The following TSTD2 variants were observed in gnomAD, a reference collection of about 807,000 sequenced individuals.
The protein encoded by TSTD2 is thiosulfate sulfurtransferase like domain containing 2.
A neutral mutation model predicts 47.9 loss-of-function variants in TSTD2; 37 were observed. That is an observed-to-expected ratio of 0.77 (90% CI 0.59 to 1.02). TSTD2 has a LOEUF of 1.02. Ranked by LOEUF, TSTD2 falls within the 50% of genes least tolerant of loss-of-function variation. TSTD2 has a pLI of 0.00. For synonymous variants in TSTD2, 201 were observed against 215.9 expected (o/e 0.93, Z 0.61); for missense variants, 586 against 616.0 (o/e 0.95, Z 0.52).
At chr9:97,613,267 G>A (rs1234520174) in intron 4 of TSTD2, among the ~76,000 whole-genome samples, 2 of 152,158 alleles carry the variant, frequency 1.3e-5, no homozygotes, top group Non-Finnish European at 2.9e-5. Context: ...ATGTATCTCT[G>A]CATGGTGTTT....
At position 97,600,571 on chromosome 9, in the gene TSTD2, A is replaced by G. The variant is rs1826234476; in HGVS notation, c.*1898T>C. 2 of 986,274 alleles carry G rather than the reference A, an allele frequency of 2.0e-6. No homozygotes were observed. Among genetic ancestry groups the G allele is most frequent in the South Asian group, 4.7e-5 (1 of 21,338 alleles). 61.1% of individuals were successfully genotyped at this position (986,274 alleles called of 1,614,324 possible). ...TGGCTTATGTGAGGTAAGACACTAG[A>G]GGGATAAATTTCCAGATCAACATGG... On this transcript the variant is annotated 3_prime_UTR_variant, in exon 10 of 10. Coordinates refer to ENST00000341170, the MANE Select transcript of TSTD2 (RefSeq NM_139246.5).
chr9:97,600,808 G>T lies in TSTD2; in HGVS notation c.*1661C>A. The T allele has an allele frequency of 9.3e-7, 1 of 1,076,770 alleles. No individual in the cohort carries two copies. Among genetic ancestry groups the T allele is most frequent in the Non-Finnish European group, 1.1e-6 (1 of 882,018 alleles). 66.7% of individuals were successfully genotyped at this position (1,076,770 alleles called of 1,614,324 possible). ...AAATGTAGTATTAGTACTGCTGCCAGATCTCTTTTTAACATCATGTGCGTC... is the reference window on the plus strand; with the variant it reads ...AAATGTAGTATTAGTACTGCTGCCATATCTCTTTTTAACATCATGTGCGTC... On this transcript the variant is annotated 3_prime_UTR_variant, in exon 10 of 10. Coordinates refer to ENST00000341170, the MANE Select transcript of TSTD2 (RefSeq NM_139246.5).
At chr9:97,618,142 G>C (rs1365387231) in intron 3 of TSTD2, among the ~76,000 whole-genome samples, 2 of 152,190 alleles carry the variant, frequency 1.3e-5, no homozygotes. Flanking sequence ...CCAAGAGACA[G>C]GTATTAGTAA....
At chr9:97,603,733 T>G (rs927733301) in intron 9 of TSTD2, among the ~76,000 whole-genome samples, 2 of 152,218 alleles carry the variant, frequency 1.3e-5, no homozygotes, top group Non-Finnish European at 2.9e-5. Flanking sequence ...AGGGTCTTGC[T>G]GTGTCACCCA....
In TSTD2 at chr9:97,600,745, G is replaced by A; in HGVS notation, c.*1724C>T. The A allele has an allele frequency of 9.9e-7, 1 of 1,006,066 alleles. No homozygotes were observed. Among genetic ancestry groups the A allele is most frequent in the Non-Finnish European group, 1.2e-6 (1 of 842,344 alleles). The allele number at this position is 1,006,066 out of a possible 1,614,324, so 62.3% of individuals were successfully genotyped here. A position where few individuals can be genotyped will look rare whatever the true frequency, so the allele number is the denominator to read the frequency against. ...AGAAACTCCAGATATCAAGGAATTG[G>A]GAAATCCTGGCCAAACCACCCCAAG... On this transcript the variant is annotated 3_prime_UTR_variant, in exon 10 of 10. Coordinates refer to ENST00000341170, the MANE Select transcript of TSTD2 (RefSeq NM_139246.5).
At chr9:97,623,979 T>G (rs1358752317) in intron 3 of TSTD2, among the ~76,000 whole-genome samples, 1 of 152,204 alleles carries the variant, frequency 6.6e-6, no homozygotes, top group Admixed American at 6.5e-5. Flanking sequence ...CCTCTAGAAT[T>G]CTGTGCCTTA....
intron 3 of TSTD2, among the ~76,000 whole-genome samples, chr9:97,620,479 G>A (rs769249776): frequency 6.6e-6 from 1 of 152,196 alleles, no homozygotes; most frequent in Non-Finnish European, 1.5e-5. Flanking sequence ...CACCCAAAAA[G>A]GTGGAAGTGA....
chr9:97,626,098 T>G, intron 2 of TSTD2, 101 bp from the exon 3 acceptor site: 3 of 1,152,586 alleles, frequency 2.6e-6, no homozygotes, highest in Non-Finnish European at 3.6e-6. Flanking sequence ...CACAGGGGCT[T>G]CTAGTTTTAT....
chr9:97,605,696 A>G, intron 7 of TSTD2, 55 bp from the exon 8 acceptor site: 2 of 1,610,142 alleles, frequency 1.2e-6, no homozygotes, highest in Admixed American at 3.4e-5. Flanking sequence ...CCTGGTAGGA[A>G]CAAAGGTTCT....
In TSTD2 at chr9:97,601,394, A is replaced by C. The variant is rs1826255618; in HGVS notation, c.*1075T>G. 1 of 1,044,228 alleles carries C rather than the reference A, an allele frequency of 9.6e-7. No homozygotes were observed. The highest frequency in any genetic ancestry group is 1.2e-6 in the Non-Finnish European group (1 of 863,364). 64.7% of individuals were successfully genotyped at this position (1,044,228 alleles called of 1,614,324 possible). A position where few individuals can be genotyped will look rare whatever the true frequency, so the allele number is the denominator to read the frequency against. On this transcript the variant is annotated 3_prime_UTR_variant, in exon 10 of 10. Coordinates refer to ENST00000341170, the MANE Select transcript of TSTD2 (RefSeq NM_139246.5). ...ATGTATTCCAGGTGCTGATCTAAAA[A>C]CTGTGGCTCAAATGTCACCGAGCTT...
intron 9 of TSTD2, among the ~76,000 whole-genome samples, chr9:97,603,749 G>A (rs996220541): frequency 1.4e-4 from 21 of 152,154 alleles, no homozygotes; most frequent in Admixed American, 1.3e-3. Context: ...ACCCAGGCTG[G>A]AGTACAGTGG....
chr9:97,620,207 C>T (rs1306816395), intron 3 of TSTD2, among the ~76,000 whole-genome samples: 1 of 152,144 alleles, frequency 6.6e-6, no homozygotes, highest in Non-Finnish European at 1.5e-5. Context: ...GAATAAATCT[C>T]ATGAGAGTTG....
rs374891796 is a variant in TSTD2, at chr9:97,605,509, G to C, written c.1087C>G (p.Arg363Gly). The change falls in exon 8 of 10, where the codon CGG becomes GGG. Residue 363 changes from arginine to glycine, a missense_variant. Physicochemically the swap from Arg to Gly is moderately radical, Grantham distance 125. Coordinates refer to ENST00000341170, the MANE Select transcript of TSTD2 (RefSeq NM_139246.5). ...MYCTGGIRCE[R>G]GSAYLKAKGV... ...TTGGCTTTGAGGTAGGCTGAACCCC[G>C]CTCACAGCGGATGCCCCCGGTACAG... The C allele has an allele frequency of 1.9e-6, 3 of 1,613,734 alleles. No homozygotes were observed. In the African/African-American group the frequency reaches 4.0e-5, roughly 22 times the overall value.
rs367969850 is a variant in TSTD2, at chr9:97,610,408, C to A, written c.773G>T (p.Gly258Val). 3.1e-6 allele frequency: 5 copies of A among 1,594,056 alleles called. No individual in the cohort carries two copies. The highest frequency in any genetic ancestry group is 4.6e-5 in the East Asian group (2 of 43,328). The stretch of plus-strand genomic sequence containing the variant: ...CATGGGCACGATTTCTTCAAATACA[C>A]CAACACGCAATTCTGGAAAACAGTG... ...GAHCFPELRVGVFEEIVPMGI... is the reference protein window; with the variant it reads ...GAHCFPELRVVVFEEIVPMGI... Residue 258 changes from glycine (G) to valine (V), a missense_variant, in exon 6 of 10, where the codon GGT (glycine) becomes GTT (valine). Coordinates refer to ENST00000341170, the MANE Select transcript of TSTD2 (RefSeq NM_139246.5).
chr9:97,627,715 A>C (rs1205191726), intron 1 of TSTD2, 103 bp from the exon 2 acceptor site: 8 of 678,458 alleles, frequency 1.2e-5, no homozygotes, highest in Non-Finnish European at 1.9e-5. Flanking sequence ...AAGTAGCCCA[A>C]GCTAACCATC....
chr9:97,606,066 C>A, intron 7 of TSTD2, 77 bp downstream of exon 7: 3 of 1,088,702 alleles, frequency 2.8e-6, no homozygotes, highest in Non-Finnish European at 4.2e-6. Context: ...CACACAAGGT[C>A]CCCTTGGGAA....
At chr9:97,616,687 G>A (rs984309834) in intron 4 of TSTD2, among the ~76,000 whole-genome samples, 1 of 152,228 alleles carries the variant, frequency 6.6e-6, no homozygotes, top group Non-Finnish European at 1.5e-5. Context: ...TGGGTCATAT[G>A]TTGGGAAAGA....
In TSTD2 at chr9:97,604,783, T is replaced by C. The variant is rs777197152; in HGVS notation, c.1196A>G (p.Lys399Arg). The C allele has an allele frequency of 1.4e-5, 22 of 1,614,080 alleles. No individual in the cohort carries two copies. In the South Asian group the frequency reaches 2.3e-4, roughly 17 times the overall value. Residue 399 changes from lysine (K) to arginine (R), a missense_variant, in exon 9 of 10, where the codon AAG becomes AGG. Lys to Arg is a conservative substitution (Grantham distance 26). Coordinates refer to ENST00000341170, the MANE Select transcript of TSTD2 (RefSeq NM_139246.5). ...ATAGCGTTCATCAAAAACAAACAACTTCCCTTTGTAAAAGCCATCAGGAAA... is the reference window on the plus strand; with the variant it reads ...ATAGCGTTCATCAAAAACAAACAACCTCCCTTTGTAAAAGCCATCAGGAAA... ...EEFPDGFYKG[K>R]LFVFDERYAL...
chr9:97,610,300 T>C (rs770112557), intron 6 of TSTD2, 46 bp downstream of exon 6: 25 of 1,531,490 alleles, frequency 1.6e-5, no homozygotes, highest in Non-Finnish European at 1.6e-5. Flanking sequence ...GTCTATTAAG[T>C]TTTGTCCCTG....
Sources: allele counts gnomAD v4.1 joint callset (sites outside exome capture counted in the v4.1 genomes callset), GRCh38; gene constraint gnomAD v4.1.1; transcripts MANE v1.5; gene names NCBI Gene and HGNC (gene_info 2026-07-23, HGNC 2026-07-21).